GATAD2B: variants seen among roughly 807,000 people sequenced by gnomAD.
GATAD2B encodes the protein transcriptional repressor p66-beta.
Under a neutral mutation model 64.3 loss-of-function variants are expected in GATAD2B, and 8 were observed. The observed-to-expected ratio is 0.12, with a 90% CI of 0.07 to 0.22. GATAD2B has a LOEUF of 0.22. GATAD2B is among the 10% of genes least tolerant of loss of function. The pLI is 1.00. For missense variants in GATAD2B, 453 were observed against 752.0 expected, an observed-to-expected ratio of 0.60 and a Z score of 4.65; for synonymous variants, 281 against 271.3, an observed-to-expected ratio of 1.04 and a Z score of -0.35.
intron 1 of GATAD2B, among the ~76,000 whole-genome samples, chr1:153,829,764 A>G (rs1311780973): frequency 6.6e-6 from 1 of 152,024 alleles, no homozygotes; most frequent in Admixed American, 6.6e-5. Flanking sequence ...TGAATGAATT[A>G]AATTAAAAAG....
intron 1 of GATAD2B, among the ~76,000 whole-genome samples, chr1:153,831,846 C>T (rs934360139): frequency 2.6e-4 from 40 of 152,200 alleles, no homozygotes; most frequent in Admixed American, 2.1e-3. Context: ...ACTGATTATA[C>T]GCCTAGACGC....
chr1:153,919,752 G>A (rs1240383805), intron 1 of GATAD2B, among the ~76,000 whole-genome samples: 1 of 152,206 alleles, frequency 6.6e-6, no homozygotes, highest in African/African-American at 2.4e-5. Flanking sequence ...GCAAGAGGTG[G>A]ACAGCTTTAT....
chr1:153,821,407 G>T (rs1208628969), intron 2 of GATAD2B, among the ~76,000 whole-genome samples: 1 of 152,100 alleles, frequency 6.6e-6, no homozygotes, highest in African/African-American at 2.4e-5. Flanking sequence ...AGGATAGAAA[G>T]GTAAGAATGA....
chr1:153,893,457 A>G (rs1219349743), intron 1 of GATAD2B, among the ~76,000 whole-genome samples: 1 of 151,742 alleles, frequency 6.6e-6, no homozygotes, highest in Non-Finnish European at 1.5e-5. Context: ...AAAAGACAAA[A>G]AGTTAGCTGG....
chr1:153,904,507 A>G (rs958137033), intron 1 of GATAD2B, among the ~76,000 whole-genome samples: 1 of 152,144 alleles, frequency 6.6e-6, no homozygotes, highest in Admixed American at 6.6e-5. Flanking sequence ...TGATTCATTT[A>G]TAAGAGCAAA....
chr1:153,861,336 A>G (rs1676272878), intron 1 of GATAD2B, among the ~76,000 whole-genome samples: 1 of 151,992 alleles, frequency 6.6e-6, no homozygotes, highest in South Asian at 2.1e-4. Context: ...AGGATCACTT[A>G]AGGCCAGGAG....
rs535360202 is a variant in GATAD2B at position 153,830,633 on chromosome 1, G to A, written c.-1-2285C>T. On this transcript the variant is annotated intron_variant, in intron 1 of 10. Transcript: ENST00000368655. ...TGGGACTACAGGCGCCCGCCACTAC[G>A]CCCGGCTAATTTTTTGTATTTTTAG... Among the ~76,000 whole-genome samples, 473 of 149,646 alleles carry A rather than the reference G, an allele frequency of 3.2e-3. 2 individuals are homozygous for A. The highest frequency in any genetic ancestry group is 6.8e-3 in the Middle Eastern group (2 of 292).
chr1:153,885,008 C>A (rs1426079223), intron 1 of GATAD2B, among the ~76,000 whole-genome samples: 1 of 152,104 alleles, frequency 6.6e-6, no homozygotes, highest in Admixed American at 6.6e-5. Context: ...CCTCCCGCTT[C>A]GGCCTCCCAA....
chr1:153,861,790 A>AT (rs1676293357), intron 1 of GATAD2B, among the ~76,000 whole-genome samples: 6 of 92,118 alleles, frequency 6.5e-5, no homozygotes, highest in Non-Finnish European at 1.5e-4. Flanking sequence ...TCAAAAAAAA[A>AT]AAAAAATATA....
intron 1 of GATAD2B, among the ~76,000 whole-genome samples, chr1:153,876,831 C>T (rs377410778): frequency 2.6e-5 from 4 of 151,052 alleles, no homozygotes; most frequent in South Asian, 2.1e-4. Flanking sequence ...GGTGAAACCC[C>T]GTCTCTACTA....
At chr1:153,850,184 T>G (rs561134323) in intron 1 of GATAD2B, among the ~76,000 whole-genome samples, 1 of 152,348 alleles carries the variant, frequency 6.6e-6, no homozygotes, top group South Asian at 2.1e-4. Flanking sequence ...TTCCGCTGGT[T>G]ACCCCAAGGG....
rs1251224354 is a variant in GATAD2B, at chr1:153,807,845, T to C, written c.*2332A>G. On this transcript the variant is annotated 3_prime_UTR_variant, in exon 11 of 11. Coordinates refer to ENST00000368655, the MANE Select transcript of GATAD2B (RefSeq NM_020699.4). The stretch of plus-strand genomic sequence containing the variant: ...GGCATCTCGTACCTCTGAGCACCTC[T>C]GAGCTTGGGGAGAGGGAGACGTAAC... 6.6e-6 allele frequency: 1 copy of C among 152,448 alleles called. No homozygotes were observed. Among genetic ancestry groups the C allele is most frequent in the Non-Finnish European group, 1.5e-5 (1 of 68,018 alleles). 9.4% of individuals were successfully genotyped at this position (152,448 alleles called of 1,614,324 possible).
At chr1:153,853,849 G>A (rs2101913161) in intron 1 of GATAD2B, among the ~76,000 whole-genome samples, 1 of 152,174 alleles carries the variant, frequency 6.6e-6, no homozygotes, top group East Asian at 1.9e-4. Flanking sequence ...TTGTTGGAGG[G>A]ACTATCCTTG....
chr1:153,842,091 A>G (rs754789837), intron 1 of GATAD2B, among the ~76,000 whole-genome samples: 2 of 152,136 alleles, frequency 1.3e-5, no homozygotes, highest in Non-Finnish European at 2.9e-5. Flanking sequence ...CTCCTACCTC[A>G]GCCACTAGAG....
intron 1 of GATAD2B, among the ~76,000 whole-genome samples, chr1:153,856,984 T>C (rs1033462449): frequency 4.6e-5 from 7 of 152,088 alleles, no homozygotes; most frequent in African/African-American, 1.7e-4. Context: ...CTGAAATGAT[T>C]ATGTTAATCA....
chr1:153,882,363 T>C lies in GATAD2B; in HGVS notation c.-2+40370A>G, dbSNP rs1246762532. Among the ~76,000 whole-genome samples the C allele has an allele frequency of 3.9e-5, 6 of 152,264 alleles. No individual in the cohort carries two copies. The East Asian group carries it at 9.6e-4, about 24-fold the overall frequency. ...ACCAAACTTCTTTTCTTTATCCCTATTGCTAGTGCTAGGGAACAGGTACTA... is the reference window on the plus strand; with the variant it reads ...ACCAAACTTCTTTTCTTTATCCCTACTGCTAGTGCTAGGGAACAGGTACTA... On this transcript the variant is annotated intron_variant, in intron 1 of 10. Transcript: ENST00000368655.
rs1320185355 is a variant in GATAD2B, at chr1:153,808,126, A to G, written c.*2051T>C. 6.6e-6 allele frequency: 1 copy of G among 152,378 alleles called. No individual in the cohort carries two copies. The highest frequency in any genetic ancestry group is 1.5e-5 in the Non-Finnish European group (1 of 68,000). The allele number at this position is 152,378 out of a possible 1,614,324, so 9.4% of individuals were successfully genotyped here. A position where few individuals can be genotyped will look rare whatever the true frequency, so the allele number is the denominator to read the frequency against. On this transcript the variant is annotated 3_prime_UTR_variant, in exon 11 of 11. Transcript: ENST00000368655. ...TTCCATTAACCCCCCTCCCTCTCCC[A>G]CCACTTACAGTCAGGGGTACCACAT...
At chr1:153,830,531 A>G (rs1375685704) in intron 1 of GATAD2B, among the ~76,000 whole-genome samples, 2 of 138,328 alleles carry the variant, frequency 1.4e-5, no homozygotes, top group East Asian at 2.1e-4. Flanking sequence ...GCTGGAGTGC[A>G]GTGGCGGGAT....
rs12136094 is a variant in GATAD2B, at chr1:153,811,553, G to C, written c.1648+178C>G. 0.2 allele frequency: 139,662 copies of C among 682,560 alleles called. 16,636 individuals are homozygous for C. The highest frequency in any genetic ancestry group is 0.25 in the Non-Finnish European group (95,472 of 386,510). 42.3% of individuals were successfully genotyped at this position (682,560 alleles called of 1,614,324 possible). A position where few individuals can be genotyped will look rare whatever the true frequency, so the allele number is the denominator to read the frequency against. Reference sequence around the variant, plus strand: ...TTCACCACCAAAACCCTAGTGCATTGTGGGTGGCACTTAATATGAATTTAG... The same window carrying C: ...TTCACCACCAAAACCCTAGTGCATTCTGGGTGGCACTTAATATGAATTTAG... On this transcript the variant is annotated intron_variant, in intron 10 of 10. Coordinates refer to ENST00000368655, the MANE Select transcript of GATAD2B (RefSeq NM_020699.4).
Sources: allele counts gnomAD v4.1 joint callset (sites outside exome capture counted in the v4.1 genomes callset), GRCh38; gene constraint gnomAD v4.1.1; transcripts MANE v1.5; gene names NCBI Gene and HGNC (gene_info 2026-07-23, HGNC 2026-07-21).